Variants in EPB41 observed in about 807,000 individuals in gnomAD.
The protein encoded by EPB41 is protein 4.1.
Under a neutral mutation model 108.0 loss-of-function variants are expected in EPB41, and 65 were observed. The observed-to-expected ratio is 0.60, with a 90% CI of 0.49 to 0.74. The LOEUF (loss-of-function observed/expected upper bound fraction) is 0.74, where lower values mean the gene tolerates loss of function less well. Among genes scored for constraint, EPB41 ranks in the 30% least tolerant of loss-of-function variants. The pLI, the probability that EPB41 is intolerant of heterozygous loss-of-function variation, is 0.00. For synonymous variants in EPB41, 336 were observed against 358.9 expected (o/e 0.94, Z 0.72); for missense variants, 875 against 1,037.0 (o/e 0.84, Z 2.15).
intron 16 of EPB41, among the ~76,000 whole-genome samples, chr1:29,091,191 A>G (rs572821835): frequency 1.3e-5 from 2 of 152,332 alleles, no homozygotes; most frequent in South Asian, 4.1e-4. Flanking sequence ...ATGACAGACT[A>G]CTACTTATCA....
Position 28,901,293 on chromosome 1 carries a change from C to T in EPB41, c.-8+14083C>T, listed in dbSNP as rs182608840. Among the ~76,000 whole-genome samples the T allele has an allele frequency of 3.9e-4, 55 of 142,154 alleles. 2 individuals are homozygous for T. The East Asian group carries it at 0.011, about 28-fold the overall frequency. The allele number at this position is 142,154 out of a possible 152,430, so 93.3% of individuals were successfully genotyped here. A position where few individuals can be genotyped will look rare whatever the true frequency, so the allele number is the denominator to read the frequency against. On this transcript the variant is annotated intron_variant, in intron 1 of 16. Coordinates refer to the EPB41 transcript ENST00000347529. ...AGGCTGGAGTGCAGTGGCATGATCT[C>T]GGCTCACTACAACCTCCACCTCCTG... is the stretch of plus-strand genomic sequence containing the variant.
At chr1:28,930,397 G>A (rs903667422) in intron 1 of EPB41, among the ~76,000 whole-genome samples, 2 of 150,652 alleles carry the variant, frequency 1.3e-5, no homozygotes, top group African/African-American at 2.4e-5. Context: ...TGAACTCTTG[G>A]GCTCTAGACA....
chr1:29,094,023 C>G (rs551571426), intron 16 of EPB41, among the ~76,000 whole-genome samples: 5 of 152,124 alleles, frequency 3.3e-5, no homozygotes, highest in African/African-American at 1.2e-4. Flanking sequence ...CTTGAGTTGA[C>G]TTTTGTATAT....
At chr1:29,062,974 T>G (rs908848779) in intron 15 of EPB41, among the ~76,000 whole-genome samples, 1 of 152,098 alleles carries the variant, frequency 6.6e-6, no homozygotes. Context: ...GCAAGAAGAG[T>G]AGCAAATTAC....
intron 16 of EPB41, among the ~76,000 whole-genome samples, chr1:29,079,674 G>A (rs1224331681): frequency 2.0e-5 from 3 of 151,762 alleles, no homozygotes; most frequent in Non-Finnish European, 2.9e-5. Context: ...GCCTCTCACC[G>A]CACCCAGCGA....
In EPB41 at chr1:28,914,627, T is replaced by G. The variant is rs1402266830; in HGVS notation, c.-149T>G. On this transcript the variant is annotated 5_prime_UTR_variant, in exon 1 of 21. Transcript: ENST00000343067. ...CTCGCTCGCTCCCTCCCTCCGCTGGTGCGTTTAGTCAGTCAGCCAGCAGCA... is the reference window on the plus strand; with the variant it reads ...CTCGCTCGCTCCCTCCCTCCGCTGGGGCGTTTAGTCAGTCAGCCAGCAGCA... 1 of 151,146 alleles carries G rather than the reference T, an allele frequency of 6.6e-6. No individual in the cohort carries two copies. The allele number at this position is 151,146 out of a possible 1,614,324, so 9.4% of individuals were successfully genotyped here.
At chr1:28,959,212 CTTTTTTTTTT>C (rs34502231) in intron 1 of EPB41, among the ~76,000 whole-genome samples, 3 of 97,936 alleles carry the variant, frequency 3.1e-5, no homozygotes, top group African/African-American at 4.1e-5. Context: ...AAAGTTTGAT[CTTTTTTTTTT>C]TTTTTTTTTT....
upstream of EPB41, among the ~76,000 whole-genome samples, chr1:28,914,392 G>GGGGGAAACAAGGGGAGC (rs2092422727): frequency 6.6e-6 from 1 of 152,210 alleles, no homozygotes. Flanking sequence ...CCTAGGGGAG[G>GGGGGAAACAAGGGGAGC]GGGGAAACAA....
At chr1:29,030,624 T>C (rs2096776322) in intron 8 of EPB41, 137 bp downstream of exon 8, 1 of 736,950 alleles carries the variant, frequency 1.4e-6, no homozygotes, top group South Asian at 1.7e-5. Flanking sequence ...TCAAAAGAGA[T>C]AGTAGACTGG....
At chr1:28,967,377 A>G (rs2095385425) in intron 1 of EPB41, among the ~76,000 whole-genome samples, 1 of 152,166 alleles carries the variant, frequency 6.6e-6, no homozygotes, top group Non-Finnish European at 1.5e-5. Context: ...CATTTAAAAG[A>G]AAGTTACTGA....
intron 8 of EPB41, 25 bp downstream of exon 8, chr1:29,030,512 A>G: frequency 1.3e-6 from 2 of 1,502,948 alleles, no homozygotes; most frequent in African/African-American, 1.4e-5. Flanking sequence ...GCCCTTTATT[A>G]ATATGCATGT....
intron 1 of EPB41, among the ~76,000 whole-genome samples, chr1:28,894,968 G>T (rs1178980132): frequency 6.6e-6 from 1 of 152,160 alleles, no homozygotes; most frequent in Admixed American, 6.5e-5. Context: ...AGGGCCCTGG[G>T]ATAAGGGCTG....
At chr1:29,104,514 C>T (rs900150660) in intron 17 of EPB41, among the ~76,000 whole-genome samples, 1 of 152,098 alleles carries the variant, frequency 6.6e-6, no homozygotes, top group Non-Finnish European at 1.5e-5. Context: ...CTTTTGGGCT[C>T]AAGTGATCCT....
chr1:29,009,245 G>A (rs1480525753), intron 4 of EPB41, among the ~76,000 whole-genome samples: 3 of 151,586 alleles, frequency 2.0e-5, no homozygotes, highest in Admixed American at 2.0e-4. Context: ...TTTAAATTGA[G>A]CATAAAAGTA....
intron 15 of EPB41, among the ~76,000 whole-genome samples, chr1:29,062,571 G>A (rs1369250508): frequency 6.6e-6 from 1 of 152,080 alleles, no homozygotes; most frequent in Non-Finnish European, 1.5e-5. Flanking sequence ...CCTGAACACA[G>A]CCAAAGTAAT....
At chr1:28,955,180 C>G (rs2094894868) in intron 1 of EPB41, among the ~76,000 whole-genome samples, 1 of 152,132 alleles carries the variant, frequency 6.6e-6, no homozygotes, top group Admixed American at 6.6e-5. Flanking sequence ...AGTACACAGG[C>G]CAGTTACAAT....
intron 16 of EPB41, among the ~76,000 whole-genome samples, chr1:29,080,723 A>G (rs1362524088): frequency 2.6e-5 from 4 of 152,146 alleles, no homozygotes; most frequent in South Asian, 2.1e-4. Flanking sequence ...CCCTATGCAC[A>G]TGTTTCTTTC....
intron 1 of EPB41, among the ~76,000 whole-genome samples, chr1:28,944,472 C>A (rs2094419879): frequency 6.6e-6 from 1 of 151,780 alleles, no homozygotes; most frequent in African/African-American, 2.4e-5. Flanking sequence ...ATCTCACATA[C>A]CCCATAAATA....
chr1:29,012,087 G>A (rs2096512450), intron 5 of EPB41, among the ~76,000 whole-genome samples, 180 bp downstream of exon 5: 1 of 151,992 alleles, frequency 6.6e-6, no homozygotes, highest in South Asian at 2.1e-4. Context: ...TATAGCAGAG[G>A]TGGATACTAT....
Sources: allele counts gnomAD v4.1 joint callset (sites outside exome capture counted in the v4.1 genomes callset), GRCh38; gene constraint gnomAD v4.1.1; transcripts MANE v1.5; gene names NCBI Gene and HGNC (gene_info 2026-07-23, HGNC 2026-07-21).